Variants in MMRN1 observed in about 807,000 individuals in gnomAD.
MMRN1 encodes the protein multimerin 1, also known as multimerin-1.
In MMRN1, 94 loss-of-function variants were observed where a neutral mutation model predicts 100.7. The observed-to-expected ratio is 0.93, with a 90% CI of 0.79 to 1.11. The LOEUF is 1.11. Ranked by LOEUF, MMRN1 falls within the 50% of genes least tolerant of loss-of-function variation. MMRN1 has a pLI of 0.00. For missense variants in MMRN1, 1,606 were observed against 1,439.1 expected, an observed-to-expected ratio of 1.12 and a Z score of -1.88; for synonymous variants, 575 against 505.0, an observed-to-expected ratio of 1.14 and a Z score of -1.86.
At chr4:89,884,260 A>G (rs1224319067) in intron 1 of MMRN1, among the ~76,000 whole-genome samples, 1 of 152,142 alleles carries the variant, frequency 6.6e-6, no homozygotes, top group Non-Finnish European at 1.5e-5. Context: ...ATTAATTAAT[A>G]TTGTATTGAA....
intron 2 of MMRN1, among the ~76,000 whole-genome samples, chr4:89,910,213 A>C (rs1282897888): frequency 1.3e-5 from 2 of 151,420 alleles, no homozygotes; most frequent in Non-Finnish European, 3.0e-5. Context: ...AGACCTAAGC[A>C]CATCTTAGGG....
At chr4:89,886,055 T>G (rs1333343166) in intron 1 of MMRN1, among the ~76,000 whole-genome samples, 1 of 151,286 alleles carries the variant, frequency 6.6e-6, no homozygotes, top group African/African-American at 2.4e-5. Flanking sequence ...AATTTTTTTT[T>G]TTTTTTTTGT....
intron 3 of MMRN1, among the ~76,000 whole-genome samples, chr4:89,920,116 G>T (rs566105649): frequency 6.6e-6 from 1 of 152,040 alleles, no homozygotes; most frequent in South Asian, 2.1e-4. Flanking sequence ...TGATTAACTT[G>T]TAATTAGTTA....
chr4:89,917,841 T>C (rs942155853), intron 3 of MMRN1, among the ~76,000 whole-genome samples: 1 of 151,930 alleles, frequency 6.6e-6, no homozygotes, highest in African/African-American at 2.4e-5. Context: ...TGGGCTTTCC[T>C]GAATAAAAAG....
intron 1 of MMRN1, among the ~76,000 whole-genome samples, chr4:89,897,341 T>C (rs1022185183): frequency 2.0e-5 from 3 of 152,086 alleles, no homozygotes; most frequent in African/African-American, 7.2e-5. Flanking sequence ...TCTGAGTAGC[T>C]GGGACTACAG....
At chr4:89,949,284 T>A (rs1299153392) in intron 6 of MMRN1, among the ~76,000 whole-genome samples, 4 of 152,160 alleles carry the variant, frequency 2.6e-5, no homozygotes, top group Non-Finnish European at 5.9e-5. Flanking sequence ...TTTTTTATAT[T>A]TGGGAAAATT....
chr4:89,953,420 T>A lies in MMRN1; in HGVS notation c.*2T>A. 5 of 1,575,468 alleles carry A rather than the reference T, an allele frequency of 3.2e-6. No individual in the cohort carries two copies. Among genetic ancestry groups the A allele is most frequent in the Non-Finnish European group, 4.3e-6 (5 of 1,164,406 alleles). ...GGCTATTTATTATATCGTACATAAG[T>A]TAGTATGAAAAACAGACTATCACCT... On this transcript the variant is annotated 3_prime_UTR_variant, in exon 8 of 8. Coordinates refer to ENST00000264790, the MANE Select transcript of MMRN1 (RefSeq NM_007351.3).
At chr4:89,942,243 A>C (rs539805381) in intron 6 of MMRN1, among the ~76,000 whole-genome samples, 19 of 152,312 alleles carry the variant, frequency 1.2e-4, no homozygotes, top group African/African-American at 4.3e-4. Flanking sequence ...TTTGACACCA[A>C]GGATTTGAAA....
rs1722620482 is a variant in MMRN1 at position 89,936,029 on chromosome 4, T to C, written c.2349T>C (p.Asn783=). The change falls in exon 6 of 8, where the codon AAT becomes AAC. Residue 783 remains asparagine (N), a synonymous_variant. Coordinates refer to ENST00000264790, the MANE Select transcript of MMRN1 (RefSeq NM_007351.3). The stretch of plus-strand genomic sequence containing the variant: ...TTATTCCTCAGTTCCACCGTCTGAA[T>C]GATTCTATTCAGACTTTGGTCAATG... The part of the protein sequence containing the change: ...LTFIPQFHRL[N]DSIQTLVNDN... 1 of 1,613,012 alleles carries C rather than the reference T, an allele frequency of 6.2e-7. No individual in the cohort carries two copies. Among genetic ancestry groups the C allele is most frequent in the Non-Finnish European group, 8.5e-7 (1 of 1,179,594 alleles).
Position 89,911,938 on chromosome 4 carries a change from C to G in MMRN1, c.744-6C>G, listed in dbSNP as rs1480014984. The G allele has an allele frequency of 3.2e-6, 5 of 1,549,998 alleles. No homozygotes were observed. Among genetic ancestry groups the G allele is most frequent in the Non-Finnish European group, 4.4e-6 (5 of 1,128,684 alleles). ...TCGATTTCCCTCCAATTGCTCAACT[C>G]TCTAGATCTCAGAAGATATCCAATC... On this transcript the variant is annotated splice_region_variant and splice_polypyrimidine_tract_variant and intron_variant, in intron 2 of 7. Coordinates refer to ENST00000264790, the MANE Select transcript of MMRN1 (RefSeq NM_007351.3).
intron 1 of MMRN1, among the ~76,000 whole-genome samples, chr4:89,882,743 T>G (rs1720847959): frequency 6.6e-6 from 1 of 151,980 alleles, no homozygotes; most frequent in Admixed American, 6.6e-5. Flanking sequence ...AATTCTTTTC[T>G]TTCACTTTAA....
chr4:89,923,347 ATC>A (rs966325861), intron 4 of MMRN1, 75 bp downstream of exon 4: 1 of 1,288,210 alleles, frequency 7.8e-7, no homozygotes. Flanking sequence ...CAAGCAAGAA[ATC>A]TCTTAGTTGT....
At chr4:89,906,393 A>G (rs1560583152) in intron 1 of MMRN1, among the ~76,000 whole-genome samples, 1 of 151,506 alleles carries the variant, frequency 6.6e-6, no homozygotes, top group Non-Finnish European at 1.5e-5. Context: ...CAAAGAATCA[A>G]TACAAGCTTT....
chr4:89,885,269 A>C (rs981105322), intron 1 of MMRN1, among the ~76,000 whole-genome samples: 1 of 151,582 alleles, frequency 6.6e-6, no homozygotes, highest in African/African-American at 2.4e-5. Flanking sequence ...ATCAACCTTA[A>C]CTTCTTTGAA....
intron 1 of MMRN1, among the ~76,000 whole-genome samples, chr4:89,883,505 C>T (rs1462062641): frequency 1.3e-5 from 2 of 152,086 alleles, no homozygotes; most frequent in African/African-American, 2.4e-5. Context: ...GATGCTGAGA[C>T]ATCTTTTCAC....
intron 1 of MMRN1, among the ~76,000 whole-genome samples, chr4:89,900,661 A>G (rs1046671811): frequency 6.6e-6 from 1 of 152,106 alleles, no homozygotes; most frequent in Admixed American, 6.6e-5. Context: ...TGCTGCCTAG[A>G]ACAGTGCCAG....
intron 5 of MMRN1, among the ~76,000 whole-genome samples, chr4:89,933,393 G>A (rs1025552852): frequency 5.3e-5 from 8 of 151,970 alleles, no homozygotes; most frequent in African/African-American, 1.7e-4. Flanking sequence ...TTCCAAAGTC[G>A]CTTCCACATT....
intron 5 of MMRN1, among the ~76,000 whole-genome samples, chr4:89,929,283 T>C (rs1407390395): frequency 1.3e-5 from 2 of 152,172 alleles, no homozygotes; most frequent in African/African-American, 4.8e-5. Flanking sequence ...TCTCTATTGA[T>C]TTAAAAAAGA....
At position 89,927,793 on chromosome 4, in the gene MMRN1, A is replaced by G. The variant is rs1349988247; in HGVS notation, c.956-2A>G. 2 of 1,609,992 alleles carry G rather than the reference A, an allele frequency of 1.2e-6. No individual in the cohort carries two copies. The highest frequency in any genetic ancestry group is 1.7e-6 in the Non-Finnish European group (2 of 1,178,346). ...GGTCTCAATTTTCTCTTCTATATGC[A>G]GAAGTGATGCAAAAAATGACTGATC... On this transcript the variant is annotated splice_acceptor_variant, in intron 4 of 7. Transcript: ENST00000264790. LOFTEE classifies it high-confidence loss of function.
Sources: allele counts gnomAD v4.1 joint callset (sites outside exome capture counted in the v4.1 genomes callset), GRCh38; gene constraint gnomAD v4.1.1; transcripts MANE v1.5; gene names NCBI Gene and HGNC (gene_info 2026-07-23, HGNC 2026-07-21).